Variants in PON3 observed in about 807,000 individuals in gnomAD.
The protein encoded by PON3 is serum paraoxonase/lactonase 3.
PON3 carries 37 observed loss-of-function variants against 36.3 expected under a neutral mutation model. That is an observed-to-expected ratio of 1.02 (90% CI 0.78 to 1.34). The LOEUF (loss-of-function observed/expected upper bound fraction) is 1.34. PON3 is among the 40% of genes most tolerant of loss of function. The pLI, the probability that PON3 is intolerant of heterozygous loss-of-function variation, is 0.00. For missense variants in PON3, 415 were observed against 426.5 expected (o/e 0.97, Z 0.24); for synonymous variants, 155 against 154.8 (o/e 1.00, Z -0.01).
intron 5 of PON3, chr7:95,364,293 T>G (rs1808643779): frequency 3.6e-6 from 2 of 560,486 alleles, no homozygotes; most frequent in African/African-American, 3.8e-5. Flanking sequence ...CAGAAATCAG[T>G]GAAAAGAAAT....
At chr7:95,381,520 A>T (rs57881736) in intron 3 of PON3, among the ~76,000 whole-genome samples, 8,614 of 152,236 alleles carry the variant, frequency 0.057, 817 homozygotes, top group African/African-American at 0.2. Flanking sequence ...CTACTAAAGA[A>T]ATGGAAAACA....
chr7:95,392,370 T>C (rs1809337027), intron 2 of PON3, among the ~76,000 whole-genome samples: 1 of 152,192 alleles, frequency 6.6e-6, no homozygotes, highest in African/African-American at 2.4e-5. Context: ...TTAACTGTAA[T>C]TTTACCTTCT....
chr7:95,391,542 C>T (rs765284639), intron 2 of PON3, among the ~76,000 whole-genome samples: 17 of 152,264 alleles, frequency 1.1e-4, no homozygotes, highest in Non-Finnish European at 2.2e-4. Context: ...AACTTTTCTT[C>T]CCAGAAAAAA....
intron 3 of PON3, among the ~76,000 whole-genome samples, chr7:95,385,480 A>G (rs1750291934): frequency 6.6e-6 from 1 of 152,168 alleles, no homozygotes; most frequent in Non-Finnish European, 1.5e-5. Context: ...GGAGACTTTA[A>G]CACCCCACTG....
intron 4 of PON3, among the ~76,000 whole-genome samples, chr7:95,371,047 T>C (rs1033788834): frequency 6.6e-6 from 1 of 152,240 alleles, no homozygotes. Flanking sequence ...AATCACATAA[T>C]GTGTGGCTTT....
intron 2 of PON3, among the ~76,000 whole-genome samples, chr7:95,394,133 C>T (rs978456446): frequency 2.6e-5 from 4 of 152,076 alleles, no homozygotes; most frequent in Admixed American, 2.6e-4. Flanking sequence ...CTCCTGACCT[C>T]ATGATCCGCC....
intron 2 of PON3, among the ~76,000 whole-genome samples, chr7:95,392,034 T>C (rs556477253): frequency 6.6e-5 from 10 of 152,366 alleles, no homozygotes; most frequent in African/African-American, 2.2e-4. Flanking sequence ...TGTATGTCAA[T>C]TTCCTAATCT....
rs147320845 is a variant in PON3, at chr7:95,373,580, G to A, written c.202-1242C>T. Among the ~76,000 whole-genome samples, 445 of 152,194 alleles carry A rather than the reference G, an allele frequency of 2.9e-3. 2 individuals are homozygous for A. The highest frequency in any genetic ancestry group is 5.0e-3 in the Non-Finnish European group (339 of 68,008). ...TCTGCTTCCAGACCATAATCCTGTCGTCATCAATAGCTACACCCTTTGCTT... is the reference window on the plus strand; with the variant it reads ...TCTGCTTCCAGACCATAATCCTGTCATCATCAATAGCTACACCCTTTGCTT... On this transcript the variant is annotated intron_variant, in intron 3 of 8. Coordinates refer to ENST00000265627, the MANE Select transcript of PON3 (RefSeq NM_000940.3).
intron 3 of PON3, among the ~76,000 whole-genome samples, chr7:95,377,293 C>T (rs1808941496): frequency 6.6e-6 from 1 of 152,186 alleles, no homozygotes; most frequent in Non-Finnish European, 1.5e-5. Context: ...CCCACCACAG[C>T]TCAGCAAGGC....
intron 1 of PON3, 146 bp downstream of exon 1, chr7:95,396,131 G>A: frequency 1.2e-6 from 1 of 848,982 alleles, no homozygotes; most frequent in Middle Eastern, 2.2e-4. Flanking sequence ...CGAGTCTCAA[G>A]GGGCGGTTTG....
At position 95,372,291 on chromosome 7, in the gene PON3, T is replaced by C; in HGVS notation, c.249A>G (p.Gly83=). ...GMPNFAPDEP[G]KIFLMDLNEQ... is the part of the protein sequence containing the mutation. ...CATTCAGATCCATCAAGAAGATTTT[T>C]CCTGGTTCATCTGGCGCAAAGTTTG... Residue 83 remains glycine, a synonymous_variant, in exon 4 of 9, where the codon GGA becomes GGG. Coordinates refer to ENST00000265627, the MANE Select transcript of PON3 (RefSeq NM_000940.3). 3.7e-6 allele frequency: 6 copies of C among 1,613,984 alleles called. No individual in the cohort carries two copies. The highest frequency in any genetic ancestry group is 5.1e-6 in the Non-Finnish European group (6 of 1,179,894).
At chr7:95,376,401 C>A (rs1808913631) in intron 3 of PON3, among the ~76,000 whole-genome samples, 2 of 152,182 alleles carry the variant, frequency 1.3e-5, no homozygotes, top group South Asian at 4.2e-4. Flanking sequence ...CAAACATCTT[C>A]TAGGATGGCA....
chr7:95,390,254 T>G (rs760974719), intron 2 of PON3, 45 bp from the exon 3 acceptor site: 1 of 1,427,254 alleles, frequency 7.0e-7, no homozygotes, highest in Non-Finnish European at 9.9e-7. Flanking sequence ...TATGAAGGCT[T>G]AAAAAATACG....
intron 4 of PON3, among the ~76,000 whole-genome samples, chr7:95,370,893 A>G (rs994932171): frequency 2.6e-5 from 4 of 152,234 alleles, no homozygotes; most frequent in African/African-American, 7.2e-5. Context: ...AACCATAACC[A>G]CTATTTAGTT....
chr7:95,364,197 T>G, intron 5 of PON3, 134 bp from the exon 6 acceptor site: 1 of 737,608 alleles, frequency 1.4e-6, no homozygotes, highest in South Asian at 1.6e-5. Flanking sequence ...TAGTATGGAT[T>G]AAGGAATTCC....
At chr7:95,373,677 T>TG (rs1808856639) in intron 3 of PON3, among the ~76,000 whole-genome samples, 1 of 152,212 alleles carries the variant, frequency 6.6e-6, no homozygotes, top group African/African-American at 2.4e-5. Context: ...AAAATCAGAT[T>TG]GAAAAACTCC....
intron 8 of PON3, among the ~76,000 whole-genome samples, chr7:95,360,421 A>C (rs1303343630): frequency 1.3e-5 from 2 of 152,142 alleles, no homozygotes; most frequent in Non-Finnish European, 2.9e-5. Context: ...TTTAGTTCTC[A>C]AGTGGATGGT....
chr7:95,368,814 C>CAAAAAAAAAAAA (rs11388951), intron 4 of PON3, among the ~76,000 whole-genome samples: 2 of 133,106 alleles, frequency 1.5e-5, no homozygotes, highest in East Asian at 2.1e-4. Flanking sequence ...CAAAAACAAA[C>CAAAAAAAAAAAA]AAAAAAAAAA....
intron 3 of PON3, among the ~76,000 whole-genome samples, chr7:95,373,591 C>T (rs1050369713): frequency 1.1e-4 from 16 of 152,182 alleles, no homozygotes; most frequent in Admixed American, 2.0e-4. Flanking sequence ...TCATCAATAG[C>T]TACACCCTTT....
Sources: allele counts gnomAD v4.1 joint callset (sites outside exome capture counted in the v4.1 genomes callset), GRCh38; gene constraint gnomAD v4.1.1; transcripts MANE v1.5; gene names NCBI Gene and HGNC (gene_info 2026-07-23, HGNC 2026-07-21).